The following STAM2 variants were observed in gnomAD, a reference collection of about 807,000 sequenced individuals.
The protein encoded by STAM2 is signal transducing adaptor molecule 2.
In STAM2, 51 loss-of-function variants were observed where a neutral mutation model predicts 65.6. The ratio of observed to expected loss-of-function variants is 0.78; its 90% CI spans 0.62 to 0.98. The LOEUF (loss-of-function observed/expected upper bound fraction) is 0.98. Among genes scored for constraint, STAM2 ranks in the 50% least tolerant of loss-of-function variants. The probability of loss-of-function intolerance (pLI) is 0.00; values close to 1 mark genes in which losing one functional copy is unlikely to be tolerated. For synonymous variants in STAM2, 198 were observed against 208.4 expected (o/e 0.95, Z 0.43); for missense variants, 584 against 617.8 (o/e 0.95, Z 0.58).
chr2:152,173,922 A>G (rs1384435981), intron 1 of STAM2, among the ~76,000 whole-genome samples: 2 of 152,270 alleles, frequency 1.3e-5, no homozygotes, highest in South Asian at 2.1e-4. Flanking sequence ...GCTTAAGCTA[A>G]TATGTAACTA....
intron 1 of STAM2, among the ~76,000 whole-genome samples, chr2:152,156,761 T>A (rs1020605211): frequency 3.3e-5 from 5 of 152,168 alleles, no homozygotes; most frequent in African/African-American, 7.2e-5. Flanking sequence ...CATAAAACTT[T>A]TAATAAAATA....
chr2:152,143,746 A>AAAAGTCAAAGTC, intron 7 of STAM2, 81 bp downstream of exon 7: 1 of 1,173,692 alleles, frequency 8.5e-7, no homozygotes. Context: ...TAAATACACT[A>AAAAGTCAAAGTC]AAAGTCAAAG....
chr2:152,128,269 T>C (rs1484035869), intron 11 of STAM2, among the ~76,000 whole-genome samples: 1 of 151,994 alleles, frequency 6.6e-6, no homozygotes, highest in African/African-American at 2.4e-5. Context: ...TAGCCAGGTG[T>C]GGTGGCGGGC....
intron 1 of STAM2, among the ~76,000 whole-genome samples, chr2:152,163,478 T>A (rs1270395198): frequency 4.2e-4 from 1 of 2,358 alleles, no homozygotes; most frequent in Non-Finnish European, 8.8e-3. Flanking sequence ...AAGACGTGTG[T>A]TTGAATAATA....
At chr2:152,153,795 G>A (rs533593736) in intron 1 of STAM2, among the ~76,000 whole-genome samples, 1 of 151,446 alleles carries the variant, frequency 6.6e-6, no homozygotes, top group Non-Finnish European at 1.5e-5. Flanking sequence ...CATGAATTTA[G>A]AAGTACAGAC....
intron 11 of STAM2, among the ~76,000 whole-genome samples, chr2:152,127,470 A>G (rs1301529222): frequency 3.9e-5 from 6 of 152,142 alleles, no homozygotes; most frequent in African/African-American, 1.4e-4. Flanking sequence ...AAATCTCAAT[A>G]AAAGAAAGTA....
At chr2:152,171,356 A>G (rs1323410555) in intron 1 of STAM2, among the ~76,000 whole-genome samples, 1 of 152,188 alleles carries the variant, frequency 6.6e-6, no homozygotes, top group East Asian at 1.9e-4. Flanking sequence ...AAAATATATT[A>G]GAAAAAAAAC....
chr2:152,138,111 G>A (rs1248781557), intron 7 of STAM2, among the ~76,000 whole-genome samples: 4 of 152,024 alleles, frequency 2.6e-5, no homozygotes, highest in African/African-American at 9.7e-5. Context: ...AAAAAGTCCT[G>A]TTGGGATTTG....
chr2:152,169,771 G>A (rs1366358418), intron 1 of STAM2, among the ~76,000 whole-genome samples: 6 of 152,078 alleles, frequency 3.9e-5, no homozygotes, highest in African/African-American at 1.4e-4. Context: ...CTCAGCATTA[G>A]TGAGGATGTG....
intron 1 of STAM2, among the ~76,000 whole-genome samples, chr2:152,152,023 T>C (rs1295355556): frequency 6.6e-6 from 1 of 152,096 alleles, no homozygotes; most frequent in Non-Finnish European, 1.5e-5. Flanking sequence ...CACTGCAGCC[T>C]TTATCTCCCG....
At chr2:152,172,012 C>A (rs1446805723) in intron 1 of STAM2, among the ~76,000 whole-genome samples, 1 of 152,172 alleles carries the variant, frequency 6.6e-6, no homozygotes, top group African/African-American at 2.4e-5. Context: ...GGCCCCGTCC[C>A]CCATGTTTCA....
intron 1 of STAM2, among the ~76,000 whole-genome samples, chr2:152,152,801 A>T (rs1037767798): frequency 5.3e-5 from 8 of 152,202 alleles, no homozygotes; most frequent in African/African-American, 1.9e-4. Context: ...GTTTCACAAC[A>T]TCCAAAAAAT....
At chr2:152,141,052 T>C (rs1689236449) in intron 7 of STAM2, among the ~76,000 whole-genome samples, 1 of 150,680 alleles carries the variant, frequency 6.6e-6, no homozygotes, top group Non-Finnish European at 1.5e-5. Context: ...GGTGGGAGAA[T>C]TGCTTGAACC....
chr2:152,145,922 T>C (rs868636193), intron 5 of STAM2, among the ~76,000 whole-genome samples: 1 of 152,206 alleles, frequency 6.6e-6, no homozygotes, highest in Non-Finnish European at 1.5e-5. Context: ...TTATTACTTA[T>C]AAGACTCTTA....
intron 1 of STAM2, among the ~76,000 whole-genome samples, chr2:152,162,259 C>T (rs1434408759): frequency 6.6e-6 from 1 of 152,146 alleles, no homozygotes; most frequent in Non-Finnish European, 1.5e-5. Flanking sequence ...TCACTTGCTC[C>T]TCAATCAAAT....
At chr2:152,147,897 T>A in intron 4 of STAM2, 127 bp downstream of exon 4, 1 of 741,194 alleles carries the variant, frequency 1.3e-6, no homozygotes, top group Non-Finnish European at 2.2e-6. Context: ...TTCAGAACAG[T>A]TTATTTCATT....
chr2:152,175,728 CT>C lies in STAM2; in HGVS notation c.-87del. 1.4e-6 allele frequency: 2 copies of C among 1,444,474 alleles called. No homozygotes were observed. The highest frequency in any genetic ancestry group is 1.9e-6 in the Non-Finnish European group (2 of 1,054,056). The allele number at this position is 1,444,474 out of a possible 1,614,324, so 89.5% of individuals were successfully genotyped here. A position where few individuals can be genotyped will look rare whatever the true frequency, so the allele number is the denominator to read the frequency against. ...CCGGGTGACCCGCGGCCGCGGCTCCCTAGACCGCTCCGCTTCGGCCTCCGTC... is the reference window on the plus strand; with the variant it reads ...CCGGGTGACCCGCGGCCGCGGCTCCCAGACCGCTCCGCTTCGGCCTCCGTC... On this transcript the variant is annotated 5_prime_UTR_variant, in exon 1 of 14. Transcript: ENST00000263904.
In STAM2 at chr2:152,120,375, G is replaced by A. The variant is rs1436286331; in HGVS notation, c.*199C>T. ...TTAAGCTGCCTCTGATGAAAAGATT[G>A]ACTTCAAACAAACTGGACTGAAAAA... On this transcript the variant is annotated 3_prime_UTR_variant, in exon 14 of 14. Coordinates refer to ENST00000263904, the MANE Select transcript of STAM2 (RefSeq NM_005843.6). 9 of 531,482 alleles carry A rather than the reference G, an allele frequency of 1.7e-5. No individual in the cohort carries two copies. Among genetic ancestry groups the A allele is most frequent in the South Asian group, 7.5e-5 (3 of 40,176 alleles). The allele number at this position is 531,482 out of a possible 1,614,324, so 32.9% of individuals were successfully genotyped here.
At chr2:152,138,990 T>C (rs997675468) in intron 7 of STAM2, among the ~76,000 whole-genome samples, 5 of 152,140 alleles carry the variant, frequency 3.3e-5, no homozygotes, top group African/African-American at 1.2e-4. Context: ...TACAAACTCT[T>C]TGATGAAGCA....
Sources: allele counts gnomAD v4.1 joint callset (sites outside exome capture counted in the v4.1 genomes callset), GRCh38; gene constraint gnomAD v4.1.1; transcripts MANE v1.5; gene names NCBI Gene and HGNC (gene_info 2026-07-23, HGNC 2026-07-21).